Variants in CTNNA2 observed in about 807,000 individuals in gnomAD.
The protein encoded by CTNNA2 is catenin alpha-2.
CTNNA2 carries 42 observed loss-of-function variants against 101.0 expected under a neutral mutation model. That is an observed-to-expected ratio of 0.42 (90% CI 0.32 to 0.54). The LOEUF (loss-of-function observed/expected upper bound fraction) is 0.54. Ranked by LOEUF, CTNNA2 falls within the 20% of genes least tolerant of loss-of-function variation. The pLI is 0.14. For missense variants in CTNNA2, 871 were observed against 1,223.1 expected (o/e 0.71, Z 4.29); for synonymous variants, 450 against 456.4 (o/e 0.99, Z 0.18).
chr2:79,900,613 G>A (rs1247221632), intron 6 of CTNNA2, among the ~76,000 whole-genome samples: 2 of 152,072 alleles, frequency 1.3e-5, no homozygotes. Flanking sequence ...TCGTTATGTG[G>A]AAAGAAACAG....
At chr2:79,304,672 C>T (rs530061766) in intron 2 of CTNNA2, among the ~76,000 whole-genome samples, 1 of 152,088 alleles carries the variant, frequency 6.6e-6, no homozygotes, top group African/African-American at 2.4e-5. Flanking sequence ...ACTCAATAAA[C>T]GTCTGCTAAG....
chr2:80,043,071 CTTTCTTTCTTTCTTTCTTTCTT>C (rs1424737268), intron 7 of CTNNA2, among the ~76,000 whole-genome samples: 2 of 47,970 alleles, frequency 4.2e-5, no homozygotes, highest in Non-Finnish European at 8.2e-5. Flanking sequence ...TTCTTTCTTT[CTTTCTTTCTTTCTTTCTTTCTT>C]TCTCTCTCTC....
intron 3 of CTNNA2, among the ~76,000 whole-genome samples, chr2:79,358,443 A>G (rs1442920965): frequency 6.6e-6 from 1 of 152,112 alleles, no homozygotes. Context: ...CAGGTGATTC[A>G]TCTGCCTCGG....
chr2:79,345,877 T>TTTTC (rs1677251755), intron 3 of CTNNA2, among the ~76,000 whole-genome samples: 1 of 151,090 alleles, frequency 6.6e-6, no homozygotes, highest in Admixed American at 6.6e-5. Context: ...TTTTTTTTTT[T>TTTTC]TAATACAGAT....
intron 7 of CTNNA2, among the ~76,000 whole-genome samples, chr2:80,181,046 AC>A (rs1462711022): frequency 6.6e-6 from 1 of 152,206 alleles, no homozygotes; most frequent in African/African-American, 2.4e-5. Flanking sequence ...TTTTCTGCTT[AC>A]ATAAATTAGA....
At chr2:79,188,042 C>A in intron 1 of CTNNA2, among the ~76,000 whole-genome samples, 1 of 151,784 alleles carries the variant, frequency 6.6e-6, no homozygotes, top group African/African-American at 2.4e-5. Context: ...TTTCTGAGTC[C>A]AAAAGAGATT....
intron 2 of CTNNA2, among the ~76,000 whole-genome samples, chr2:79,724,019 A>G (rs952633447): frequency 3.9e-5 from 6 of 152,092 alleles, no homozygotes; most frequent in Non-Finnish European, 5.9e-5. Context: ...TGTTTTGTCT[A>G]CAGTATCAGC....
intron 11 of CTNNA2, among the ~76,000 whole-genome samples, chr2:80,551,724 T>C (rs933950685): frequency 2.6e-5 from 4 of 152,224 alleles, no homozygotes; most frequent in Admixed American, 6.5e-5. Context: ...CTGTGGCCGA[T>C]ATGATCTTCT....
intron 3 of CTNNA2, among the ~76,000 whole-genome samples, chr2:79,325,555 C>A (rs1390323019): frequency 6.6e-6 from 1 of 152,194 alleles, no homozygotes; most frequent in African/African-American, 2.4e-5. Flanking sequence ...CAGGTAAAAT[C>A]AATCAGGAAA....
At chr2:79,246,243 C>A (rs148466314) in intron 2 of CTNNA2, among the ~76,000 whole-genome samples, 35 of 152,296 alleles carry the variant, frequency 2.3e-4, no homozygotes, top group African/African-American at 8.4e-4. Flanking sequence ...TCTCAAATTT[C>A]TTCCAGCCTT....
intron 7 of CTNNA2, among the ~76,000 whole-genome samples, chr2:80,189,740 C>A (rs1706358223): frequency 7.3e-6 from 1 of 136,386 alleles, no homozygotes. Context: ...ACAAGGTCCT[C>A]AACCAGTTAA....
chr2:80,358,874 AC>A (rs1674108118), intron 7 of CTNNA2, among the ~76,000 whole-genome samples: 1 of 151,822 alleles, frequency 6.6e-6, no homozygotes, highest in Non-Finnish European at 1.5e-5. Context: ...ATATCACTTC[AC>A]CCATTAAAAA....
intron 7 of CTNNA2, among the ~76,000 whole-genome samples, chr2:80,052,532 G>T (rs1696940600): frequency 6.6e-6 from 1 of 152,226 alleles, no homozygotes; most frequent in Non-Finnish European, 1.5e-5. Context: ...AGTTGAAATT[G>T]CAGATTGCAA....
intron 9 of CTNNA2, among the ~76,000 whole-genome samples, chr2:80,494,067 C>G (rs1454857211): frequency 6.6e-6 from 1 of 152,102 alleles, no homozygotes; most frequent in East Asian, 1.9e-4. Flanking sequence ...AGTCTTAGAC[C>G]TATTCTATTT....
intron 9 of CTNNA2, among the ~76,000 whole-genome samples, chr2:80,534,278 G>A (rs947039269): frequency 1.3e-5 from 2 of 152,004 alleles, no homozygotes; most frequent in East Asian, 3.9e-4. Context: ...AAATTTCTTC[G>A]TTGTACCATG....
chr2:80,495,288 T>G (rs770273280), intron 9 of CTNNA2, among the ~76,000 whole-genome samples: 25 of 152,204 alleles, frequency 1.6e-4, no homozygotes, highest in Non-Finnish European at 2.9e-4. Flanking sequence ...TTATGAGGGT[T>G]TCCTGTGTTT....
chr2:79,449,882 A>T (rs1350725618), intron 4 of CTNNA2, among the ~76,000 whole-genome samples: 1 of 152,042 alleles, frequency 6.6e-6, no homozygotes, highest in Non-Finnish European at 1.5e-5. Flanking sequence ...GGATACACAA[A>T]TGCAGGATTG....
chr2:80,012,611 T>G (rs1693868896), intron 7 of CTNNA2, among the ~76,000 whole-genome samples: 1 of 152,224 alleles, frequency 6.6e-6, no homozygotes, highest in Non-Finnish European at 1.5e-5. Flanking sequence ...ATAGATAATA[T>G]GCAAATGAAT....
intron 6 of CTNNA2, among the ~76,000 whole-genome samples, chr2:79,895,259 C>T (rs1684622705): frequency 1.3e-5 from 2 of 152,144 alleles, no homozygotes; most frequent in Non-Finnish European, 1.5e-5. Context: ...TCCTGTGAGA[C>T]AAAAACTGTT....
Sources: allele counts gnomAD v4.1 joint callset (sites outside exome capture counted in the v4.1 genomes callset), GRCh38; gene constraint gnomAD v4.1.1; transcripts MANE v1.5; gene names NCBI Gene and HGNC (gene_info 2026-07-23, HGNC 2026-07-21).